ANKRD36: variants seen among roughly 807,000 people sequenced by gnomAD.
ANKRD36 encodes the protein ankyrin repeat domain 36.
A neutral mutation model predicts 278.1 loss-of-function variants in ANKRD36; 179 were observed. That is an observed-to-expected ratio of 0.64 (90% CI 0.57 to 0.73). The LOEUF (loss-of-function observed/expected upper bound fraction) is 0.73, where lower values mean the gene tolerates loss of function less well. ANKRD36 is among the 30% of genes least tolerant of loss of function. ANKRD36 has a pLI of 0.00. For missense variants in ANKRD36, 1,159 were observed against 1,956.7 expected (o/e 0.59, Z 7.69); for synonymous variants, 320 against 641.1 (o/e 0.50, Z 7.57).
At chr2:97,225,047 G>C (rs1356912655) in intron 67 of ANKRD36, among the ~76,000 whole-genome samples, 168 bp downstream of exon 67, 1 of 151,608 alleles carries the variant, frequency 6.6e-6, no homozygotes, top group Non-Finnish European at 1.5e-5. Flanking sequence ...ACTTAAAATA[G>C]TGTTGGAATC....
chr2:97,226,565 TGTTGTAG>T, intron 67 of ANKRD36, among the ~76,000 whole-genome samples: 1 of 151,502 alleles, frequency 6.6e-6, no homozygotes, highest in Non-Finnish European at 1.5e-5. Flanking sequence ...TTTTCTCCCA[TGTTGTAG>T]GTTGCCTGTT....
chr2:97,213,828 T>C (rs1246967028), intron 60 of ANKRD36, among the ~76,000 whole-genome samples: 1 of 151,780 alleles, frequency 6.6e-6, no homozygotes, highest in Non-Finnish European at 1.5e-5. Context: ...CACATTGAAA[T>C]TGGGAAGAAG....
At chr2:97,187,494 G>GGGGGGA in intron 32 of ANKRD36, 93 bp downstream of exon 32, 3 of 95,518 alleles carry the variant, frequency 3.1e-5, no homozygotes, top group Non-Finnish European at 6.4e-5. Flanking sequence ...GGGTGGGGGG[G>GGGGGGA]CTCGCCGAAG....
intron 66 of ANKRD36, among the ~76,000 whole-genome samples, chr2:97,222,341 C>T (rs1358483604): frequency 1.3e-5 from 2 of 152,064 alleles, no homozygotes; most frequent in Non-Finnish European, 2.9e-5. Context: ...TGAATCGTTA[C>T]CTAGCAATGG....
In ANKRD36 at chr2:97,189,493, T is replaced by C. The variant is rs2058083309; in HGVS notation, c.2245+203T>C. On this transcript the variant is annotated intron_variant, in intron 34 of 75. Coordinates refer to ENST00000420699, the MANE Select transcript of ANKRD36 (RefSeq NM_001354587.1). ...TGGAACGTGATCTTCGCAGTAAGAT[T>C]ATACACTTCCCCACATTGAAATTGG... is the stretch of plus-strand genomic sequence containing the variant. 2.3e-5 allele frequency among the ~76,000 whole-genome samples: 2 copies of C among 88,382 alleles called. 1 individual carries two copies. Among genetic ancestry groups the C allele is most frequent in the Non-Finnish European group, 7.9e-5 (2 of 25,226 alleles). 58.0% of individuals were successfully genotyped at this position (88,382 alleles called of 152,430 possible).
chr2:97,199,802 A>C (rs1429794195), intron 44 of ANKRD36, among the ~76,000 whole-genome samples: 1 of 151,926 alleles, frequency 6.6e-6, no homozygotes, highest in Non-Finnish European at 1.5e-5. Context: ...ACAGATATCC[A>C]AGGTGATCAA....
At chr2:97,166,927 C>T (rs933133721) in intron 20 of ANKRD36, among the ~76,000 whole-genome samples, 10 of 152,160 alleles carry the variant, frequency 6.6e-5, no homozygotes, top group African/African-American at 1.9e-4. Flanking sequence ...GCACAATGTG[C>T]GGGTTTGTTA....
intron 4 of ANKRD36, 90 bp from the exon 5 acceptor site, chr2:97,124,370 A>G: frequency 1.4e-6 from 2 of 1,453,920 alleles, no homozygotes; most frequent in South Asian, 1.5e-5. Flanking sequence ...TTAATTCTAC[A>G]TGGACAGGCA....
At chr2:97,168,735 G>T (rs1307114739) in intron 22 of ANKRD36, among the ~76,000 whole-genome samples, 13 of 150,510 alleles carry the variant, frequency 8.6e-5, no homozygotes, top group African/African-American at 3.0e-4. Flanking sequence ...GTGTTAGTTT[G>T]CTGAGAATAA....
chr2:97,190,417 A>T (rs1345638756), intron 34 of ANKRD36, among the ~76,000 whole-genome samples: 1 of 145,830 alleles, frequency 6.9e-6, no homozygotes, highest in Non-Finnish European at 1.5e-5. Flanking sequence ...AATGAATATT[A>T]TCTACTAGGT....
chr2:97,199,222 TA>T (rs1488343763), intron 44 of ANKRD36, among the ~76,000 whole-genome samples: 1 of 151,884 alleles, frequency 6.6e-6, no homozygotes, highest in Non-Finnish European at 1.5e-5. Flanking sequence ...AATATTTCCA[TA>T]AGAAATATTT....
intron 26 of ANKRD36, among the ~76,000 whole-genome samples, 188 bp downstream of exon 26, chr2:97,181,981 C>T (rs1243592798): frequency 6.6e-6 from 1 of 151,564 alleles, no homozygotes; most frequent in South Asian, 2.1e-4. Context: ...AGATTATAGA[C>T]TTCCCCACAT....
chr2:97,210,343 A>C (rs1368045652), intron 56 of ANKRD36, among the ~76,000 whole-genome samples: 2 of 151,954 alleles, frequency 1.3e-5, no homozygotes, highest in East Asian at 3.9e-4. Context: ...TGAGGCAGGA[A>C]GGCGGAATAA....
intron 42 of ANKRD36, 39 bp from the exon 43 acceptor site, chr2:97,198,424 T>C: frequency 6.4e-7 from 1 of 1,566,876 alleles, no homozygotes. Flanking sequence ...TTTTGTCGTT[T>C]TTACATATGA....
intron 20 of ANKRD36, among the ~76,000 whole-genome samples, chr2:97,165,376 C>G (rs1254572728): frequency 6.6e-6 from 1 of 152,016 alleles, no homozygotes; most frequent in Non-Finnish European, 1.5e-5. Flanking sequence ...ATTAAAATCT[C>G]TTCATGCTGA....
At position 97,204,189 on chromosome 2, in the gene ANKRD36, A is replaced by C. The variant is rs573814535; in HGVS notation, c.2989-2A>C. On this transcript the variant is annotated splice_acceptor_variant, in intron 49 of 75. Transcript: ENST00000420699. LOFTEE classifies it high-confidence loss of function. Reference sequence around the variant, plus strand: ...TATTATTTCATTTCAAATTCCATTCAGGCTACAAGTGATGAGAAAGATTCT... The same window carrying C: ...TATTATTTCATTTCAAATTCCATTCCGGCTACAAGTGATGAGAAAGATTCT... 6.3e-7 allele frequency: 1 copy of C among 1,583,664 alleles called. No homozygotes were observed. Among genetic ancestry groups the C allele is most frequent in the Non-Finnish European group, 8.6e-7 (1 of 1,167,376 alleles).
rs1252508881 is a variant in ANKRD36, at chr2:97,211,494, T to A, written c.3368-52T>A. The A allele has an allele frequency of 5.0e-6, 8 of 1,590,062 alleles. No homozygotes were observed. The African/African-American group carries it at 1.1e-4, about 21-fold the overall frequency. ...TGCTAACACTGTATGAATGTATGGA[T>A]AACTTTATCATATTTACATATGAGT... On this transcript the variant is annotated intron_variant, in intron 56 of 75. Transcript: ENST00000420699.
chr2:97,155,098 C>T (rs1326373524), intron 15 of ANKRD36, among the ~76,000 whole-genome samples: 1 of 138,172 alleles, frequency 7.2e-6, no homozygotes, highest in Non-Finnish European at 1.7e-5. Context: ...AGTTGTATAT[C>T]ATATGAGTAT....
In ANKRD36 at chr2:97,191,130, T is replaced by C. The variant is rs771320362; in HGVS notation, c.2296T>C (p.Ser766Pro). The change falls in exon 36 of 76, where the codon TCT becomes CCT. Residue 766 changes from serine (S) to proline (P), a missense_variant. Transcript: ENST00000420699. ...TCAGGCTACAACTGATGAGAAAGAT[T>C]CTGTTTCGAACATAGCCACAGAAAT... is the stretch of plus-strand genomic sequence containing the variant. ...ALKATTDEKD[S>P]VSNIATEIKD... 6 of 1,598,886 alleles carry C rather than the reference T, an allele frequency of 3.8e-6. No homozygotes were observed. Among genetic ancestry groups the C allele is most frequent in the Non-Finnish European group, 5.1e-6 (6 of 1,172,734 alleles).
Sources: allele counts gnomAD v4.1 joint callset (sites outside exome capture counted in the v4.1 genomes callset), GRCh38; gene constraint gnomAD v4.1.1; transcripts MANE v1.5; gene names NCBI Gene and HGNC (gene_info 2026-07-23, HGNC 2026-07-21).